The following TECTA variants were observed in gnomAD, a reference collection of about 807,000 sequenced individuals.
TECTA encodes tectorin alpha, also known as alpha-tectorin.
In TECTA, 128 loss-of-function variants were observed where a neutral mutation model predicts 216.8. The observed-to-expected ratio is 0.59, with a 90% CI of 0.51 to 0.68. TECTA has a LOEUF of 0.68. Ranked by LOEUF, TECTA falls within the 30% of genes least tolerant of loss-of-function variation. The pLI is 0.00. For synonymous variants in TECTA, 1,089 were observed against 1,117.1 expected (o/e 0.97, Z 0.50); for missense variants, 2,551 against 2,786.2 (o/e 0.92, Z 1.90).
Position 121,137,423 on chromosome 11 carries a change from C to T in TECTA, c.2944C>T (p.Leu982=), listed in dbSNP as rs2135095616. ...GPWRTYDFCP[L]ECPENSHFEE... is the part of the protein sequence containing the mutation. ...GTCTTCTCCTTGACCACCTGCAGCA[C>T]TGGAGTGCCCAGAGAACAGCCACTT... The change falls in exon 11 of 24, where the codon CTG becomes TTG. Residue 982 remains leucine, a splice_region_variant and synonymous_variant. Transcript: ENST00000392793. 6.2e-7 allele frequency: 1 copy of T among 1,613,988 alleles called. No individual in the cohort carries two copies. Among genetic ancestry groups the T allele is most frequent in the Non-Finnish European group, 8.5e-7 (1 of 1,180,012 alleles).
At chr11:121,138,280 G>A (rs996945847) in intron 11 of TECTA, among the ~76,000 whole-genome samples, 22 of 152,216 alleles carry the variant, frequency 1.4e-4, no homozygotes, top group Non-Finnish European at 2.6e-4. Context: ...AGTGCCTTTC[G>A]TATGGCAGCA....
rs1565536446 is a variant in TECTA, at chr11:121,168,895, A to G, written c.5969A>G (p.Asp1990Gly). The G allele has an allele frequency of 6.2e-7, 1 of 1,614,196 alleles. No homozygotes were observed. The highest frequency in any genetic ancestry group is 8.5e-7 in the Non-Finnish European group (1 of 1,180,016). Reference protein sequence around the residue: ...CYATPTRDSNDKLRYFIIEGG... With the variant: ...CYATPTRDSNGKLRYFIIEGG... ...GCCACACCCACCCGAGATAGCAATG[A>G]TAAGCTCCGATATTTCATCATTGAA... Residue 1990 changes from aspartate (D) to glycine (G), a missense_variant, in exon 20 of 24, where the codon GAT becomes GGT. By Grantham distance (94) the Asp-to-Gly change is moderately conservative (BLOSUM62 -1). This residue lies in a region of TECTA where 58 missense variants were observed against 105.9 expected (regional missense o/e 0.55). Transcript: ENST00000392793.
At chr11:121,122,347 C>A (rs553835576) in intron 7 of TECTA, among the ~76,000 whole-genome samples, 22 of 152,228 alleles carry the variant, frequency 1.4e-4, no homozygotes, top group East Asian at 1.2e-3. Flanking sequence ...ATTTATGAAC[C>A]AGAAAGTGGG....
At position 121,162,241 on chromosome 11, in the gene TECTA, G is replaced by A; in HGVS notation, c.5143G>A (p.Glu1715Lys). 2 of 1,614,120 alleles carry A rather than the reference G, an allele frequency of 1.2e-6. No homozygotes were observed. Among genetic ancestry groups the A allele is most frequent in the East Asian group, 4.5e-5 (2 of 44,880 alleles). ...GCTTCTCGATCCCCTCCCATTCTACGAGTCCTGCTACCTGGACGGCTGCTA... is the reference window on the plus strand; with the variant it reads ...GCTTCTCGATCCCCTCCCATTCTACAAGTCCTGCTACCTGGACGGCTGCTA... Reference protein sequence around the residue: ...YGLLDPLPFYESCYLDGCYSH... With the variant: ...YGLLDPLPFYKSCYLDGCYSH... The change falls in exon 16 of 24, where the codon GAG becomes AAG. Residue 1715 changes from glutamate (E) to lysine (K), a missense_variant. Coordinates refer to ENST00000392793, the MANE Select transcript of TECTA (RefSeq NM_005422.4).
Position 121,168,697 on chromosome 11 carries a change from C to T in TECTA, c.5771C>T (p.Pro1924Leu). 6.2e-7 allele frequency: 1 copy of T among 1,614,074 alleles called. No homozygotes were observed. Among genetic ancestry groups the T allele is most frequent in the Non-Finnish European group, 8.5e-7 (1 of 1,179,982 alleles). ...TTTAGTGTAATTAACCTGACAGTTC[C>T]AACCCAAGAAGGCAGCTTCATCACC... is the stretch of plus-strand genomic sequence containing the variant. ...PMLSVINLTVPTQEGSFITKM... is the reference protein window; with the variant it reads ...PMLSVINLTVLTQEGSFITKM... Residue 1924 changes from proline (P) to leucine (L), a missense_variant, in exon 20 of 24, where the codon CCA becomes CTA. Coordinates refer to ENST00000392793, the MANE Select transcript of TECTA (RefSeq NM_005422.4).
At chr11:121,103,117 G>A (rs373743724) in intron 2 of TECTA, among the ~76,000 whole-genome samples, 2 of 152,118 alleles carry the variant, frequency 1.3e-5, no homozygotes, top group East Asian at 1.9e-4. Flanking sequence ...TACTTATTTC[G>A]GCCAAAAACT....
Position 121,130,032 on chromosome 11 carries a change from G to T in TECTA, c.2762G>T (p.Ser921Ile). 3 of 1,612,700 alleles carry T rather than the reference G, an allele frequency of 1.9e-6. No individual in the cohort carries two copies. The highest frequency in any genetic ancestry group is 2.5e-6 in the Non-Finnish European group (3 of 1,178,994). Residue 921 changes from serine to isoleucine, a missense_variant, in exon 10 of 24, where the codon AGC (serine) becomes ATC (isoleucine). Around this residue, in one of 3 missense-constraint regions of TECTA, gnomAD observed 2,375 missense variants for 2,563.9 expected, o/e 0.93. Transcript: ENST00000392793. ...RCGIINDPSN[S>I]SFLECHGVVN... is the part of the protein sequence containing the mutation. Reference sequence around the variant, plus strand: ...GGCATCATCAACGACCCCTCCAACAGCTCCTTCCTGGAGTGCCATGGGGTG... The same window carrying T: ...GGCATCATCAACGACCCCTCCAACATCTCCTTCCTGGAGTGCCATGGGGTG...
At chr11:121,161,007 A>G (rs1442541568) in intron 15 of TECTA, among the ~76,000 whole-genome samples, 1 of 152,248 alleles carries the variant, frequency 6.6e-6, no homozygotes, top group Non-Finnish European at 1.5e-5. Flanking sequence ...GGGCTGCTGA[A>G]TATGTGGATA....
intron 3 of TECTA, among the ~76,000 whole-genome samples, chr11:121,106,537 T>C (rs1018916752): frequency 6.6e-6 from 1 of 152,198 alleles, no homozygotes; most frequent in African/African-American, 2.4e-5. Context: ...CCTAGGCACC[T>C]GTGTTCTCAG....
chr11:121,118,205 C>T (rs1285782722), intron 6 of TECTA, 101 bp from the exon 7 acceptor site: 35 of 1,466,444 alleles, frequency 2.4e-5, no homozygotes, highest in Non-Finnish European at 2.8e-5. Flanking sequence ...AGGGTTCTTA[C>T]GTGGATTAAA....
intron 17 of TECTA, 98 bp downstream of exon 17, chr11:121,165,481 A>ACT: frequency 2.0e-6 from 2 of 990,422 alleles, no homozygotes; most frequent in Non-Finnish European, 3.0e-6. Flanking sequence ...AAGCTTTCCC[A>ACT]AATAGTGAAG....
At chr11:121,170,417 T>A (rs937028390) in intron 20 of TECTA, among the ~76,000 whole-genome samples, 1 of 151,946 alleles carries the variant, frequency 6.6e-6, no homozygotes, top group Non-Finnish European at 1.5e-5. Context: ...TTAGTGGGGT[T>A]TTTTTGTTTT....
chr11:121,124,584 A>G (rs578122499), intron 7 of TECTA, among the ~76,000 whole-genome samples: 34 of 152,372 alleles, frequency 2.2e-4, no homozygotes, highest in African/African-American at 7.7e-4. Context: ...TCACAGTTAA[A>G]GAGTATGCTG....
At chr11:121,168,532 A>G in intron 19 of TECTA, 145 bp from the exon 20 acceptor site, 3 of 1,202,056 alleles carry the variant, frequency 2.5e-6, no homozygotes, top group Non-Finnish European at 3.6e-6. Flanking sequence ...CCATGTGGCT[A>G]GCAGGTACTG....
At chr11:121,110,391 G>A (rs930305380) in intron 4 of TECTA, 1 of 152,198 alleles carries the variant, frequency 6.6e-6, no homozygotes, top group African/African-American at 2.4e-5. Flanking sequence ...TTGTGGAGGG[G>A]TGGAACAAAA....
At position 121,160,422 on chromosome 11, in the gene TECTA, G is replaced by T; in HGVS notation, c.4976+1G>T. Reference sequence around the variant, plus strand: ...GGAAAACCAATGGCATGCAGAAGAGGTGAGGGTGTAGGAGTTCAAGCCACT... The same window carrying T: ...GGAAAACCAATGGCATGCAGAAGAGTTGAGGGTGTAGGAGTTCAAGCCACT... On this transcript the variant is annotated splice_donor_variant, in intron 15 of 23. Transcript: ENST00000392793. LOFTEE classifies it high-confidence loss of function. 1 of 1,609,386 alleles carries T rather than the reference G, an allele frequency of 6.2e-7. No individual in the cohort carries two copies. Among genetic ancestry groups the T allele is most frequent in the Non-Finnish European group, 8.5e-7 (1 of 1,179,804 alleles).
chr11:121,121,850 C>T (rs1415956787), intron 7 of TECTA, among the ~76,000 whole-genome samples: 1 of 152,132 alleles, frequency 6.6e-6, no homozygotes, highest in East Asian at 1.9e-4. Flanking sequence ...ATAATTATAC[C>T]AACATTGGGG....
At chr11:121,114,233 A>C (rs191782140) in intron 6 of TECTA, among the ~76,000 whole-genome samples, 14 of 152,286 alleles carry the variant, frequency 9.2e-5, no homozygotes, top group African/African-American at 3.1e-4. Context: ...GTTCTCCTAA[A>C]ATCTTCCCAG....
intron 10 of TECTA, among the ~76,000 whole-genome samples, chr11:121,130,584 C>T (rs544692341): frequency 1.3e-5 from 2 of 152,258 alleles, no homozygotes; most frequent in African/African-American, 4.8e-5. Context: ...AGGAAGTGAT[C>T]GGCCAGGGCA....
Sources: gnomAD v4.1 joint callset for allele counts (sites outside exome capture counted in the v4.1 genomes callset) on GRCh38, gnomAD v4.1.1 for gene constraint, gnomAD v4.1.1 regional missense constraint, MANE v1.5 for transcripts, NCBI Gene and HGNC (gene_info 2026-07-23, HGNC 2026-07-21) for gene names.